Variants in CSNK1G2 observed in about 807,000 individuals in gnomAD.
CSNK1G2 encodes the protein casein kinase I isoform gamma-2.
Under a neutral mutation model 48.0 loss-of-function variants are expected in CSNK1G2, and 11 were observed. The ratio of observed to expected loss-of-function variants is 0.23; its 90% CI spans 0.14 to 0.38. The LOEUF (loss-of-function observed/expected upper bound fraction) is 0.38. Ranked by LOEUF, CSNK1G2 falls within the 10% of genes least tolerant of loss-of-function variation. CSNK1G2 has a pLI of 1.00. For missense variants in CSNK1G2, 446 were observed against 595.5 expected (o/e 0.75, Z 2.61); for synonymous variants, 337 against 254.1 (o/e 1.33, Z -3.10).
intron 1 of CSNK1G2, among the ~76,000 whole-genome samples, chr19:1,964,343 C>T (rs1444113016): frequency 1.3e-5 from 2 of 151,670 alleles, no homozygotes; most frequent in Non-Finnish European, 2.9e-5. Context: ...ATTAAGTGTT[C>T]CTTGAGACGT....
At chr19:1,963,621 C>A (rs2015272391) in intron 1 of CSNK1G2, among the ~76,000 whole-genome samples, 1 of 151,750 alleles carries the variant, frequency 6.6e-6, no homozygotes, top group South Asian at 2.1e-4. Context: ...GATTCTCCTG[C>A]CTCAGCCTCC....
At chr19:1,951,307 G>A (rs1335011742) in intron 1 of CSNK1G2, among the ~76,000 whole-genome samples, 1 of 145,014 alleles carries the variant, frequency 6.9e-6, no homozygotes, top group Non-Finnish European at 1.5e-5. Flanking sequence ...GGAGGCTGAG[G>A]CAGGAGAATG....
intron 2 of CSNK1G2, among the ~76,000 whole-genome samples, chr19:1,973,192 G>A (rs2015634455): frequency 3.3e-5 from 5 of 151,802 alleles, no homozygotes; most frequent in African/African-American, 1.2e-4. Flanking sequence ...CTCCCAAAGT[G>A]CTGGGATTAC....
chr19:1,960,529 C>T (rs1363796966), intron 1 of CSNK1G2, among the ~76,000 whole-genome samples: 2 of 152,202 alleles, frequency 1.3e-5, no homozygotes, highest in Non-Finnish European at 2.9e-5. Flanking sequence ...CGTGTGCCTG[C>T]GCCTGGGGTC....
In CSNK1G2 at chr19:1,979,189, G is replaced by T. The variant is rs1166586006; in HGVS notation, c.709G>T (p.Ala237Ser). 4 of 1,537,690 alleles carry T rather than the reference G, an allele frequency of 2.6e-6. No individual in the cohort carries two copies. The highest frequency in any genetic ancestry group is 2.7e-5 in the African/African-American group (2 of 73,078). ...GCAGAGCCGCCGCGACGACCTGGAG[G>T]CGCTGGGCCACATGTTCATGTACTT... ...KEQSRRDDLE[A>S]LGHMFMYFLR... Residue 237 changes from alanine to serine, a missense_variant, in exon 7 of 12, where the codon GCG becomes TCG. Transcript: ENST00000255641.
intron 1 of CSNK1G2, among the ~76,000 whole-genome samples, chr19:1,942,223 C>T (rs2014394168): frequency 6.6e-6 from 1 of 152,200 alleles, no homozygotes; most frequent in Non-Finnish European, 1.5e-5. Flanking sequence ...CTGAGCAGGG[C>T]CTGCGGTGGC....
chr19:1,966,010 G>T (rs1417016311), intron 1 of CSNK1G2, among the ~76,000 whole-genome samples: 1 of 152,132 alleles, frequency 6.6e-6, no homozygotes, highest in Non-Finnish European at 1.5e-5. Flanking sequence ...TGTTGCCCAG[G>T]CTGGTCTTGA....
intron 1 of CSNK1G2, among the ~76,000 whole-genome samples, chr19:1,946,447 A>G (rs1355175527): frequency 6.7e-6 from 1 of 149,724 alleles, no homozygotes; most frequent in Non-Finnish European, 1.5e-5. Flanking sequence ...GACCGCCACC[A>G]CGCCTGGCTA....
intron 1 of CSNK1G2, among the ~76,000 whole-genome samples, chr19:1,955,578 G>A (rs909510880): frequency 4.6e-5 from 7 of 152,190 alleles, no homozygotes; most frequent in African/African-American, 1.4e-4. Context: ...GCAGCGCCCA[G>A]GTCAGGGGCT....
intron 1 of CSNK1G2, among the ~76,000 whole-genome samples, chr19:1,944,963 C>G (rs996964250): frequency 7.9e-5 from 12 of 152,364 alleles, no homozygotes; most frequent in Admixed American, 6.5e-4. Context: ...TCACCACCCA[C>G]ATCAACTTGT....
chr19:1,953,694 G>A, intron 1 of CSNK1G2: 1 of 383,502 alleles, frequency 2.6e-6, no homozygotes, highest in South Asian at 1.9e-5. Context: ...CTGTGGGACG[G>A]GGTCCCTGCA....
intron 2 of CSNK1G2, among the ~76,000 whole-genome samples, chr19:1,974,456 T>C (rs533010130): frequency 6.6e-6 from 1 of 152,266 alleles, no homozygotes; most frequent in East Asian, 1.9e-4. Context: ...CAGTGCTGGA[T>C]TGGGGACCAG....
chr19:1,945,478 C>T (rs1441903568), intron 1 of CSNK1G2, among the ~76,000 whole-genome samples: 2 of 152,246 alleles, frequency 1.3e-5, no homozygotes, highest in Admixed American at 1.3e-4. Context: ...GCCCAGCGGC[C>T]TCCCTGCACC....
rs1324224943 is a variant in CSNK1G2, at chr19:1,980,406, G to A, written c.*203G>A. 7.7e-6 allele frequency: 5 copies of A among 649,186 alleles called. No individual in the cohort carries two copies. Among genetic ancestry groups the A allele is most frequent in the East Asian group, 2.7e-5 (1 of 36,920 alleles). The allele number at this position is 649,186 out of a possible 1,614,324, so 40.2% of individuals were successfully genotyped here. ...ACTTCCTTCATGTAAGACTTTGGCC[G>A]AAATTTCTACACCTGTGTCTAGTCC... On this transcript the variant is annotated 3_prime_UTR_variant, in exon 12 of 12. Transcript: ENST00000255641.
intron 1 of CSNK1G2, among the ~76,000 whole-genome samples, chr19:1,946,655 C>T (rs980030713): frequency 2.0e-5 from 3 of 150,638 alleles, no homozygotes; most frequent in Non-Finnish European, 4.4e-5. Flanking sequence ...CTCTGTTGCC[C>T]AGGCTAGAGT....
intron 1 of CSNK1G2, among the ~76,000 whole-genome samples, chr19:1,944,190 G>A (rs2014469366): frequency 6.6e-6 from 1 of 152,164 alleles, no homozygotes; most frequent in South Asian, 2.1e-4. Flanking sequence ...GGCGTGCCGG[G>A]TCCGCCTCCC....
intron 1 of CSNK1G2, among the ~76,000 whole-genome samples, chr19:1,951,736 A>G (rs2014770216): frequency 6.9e-6 from 1 of 144,306 alleles, no homozygotes; most frequent in Admixed American, 6.9e-5. Flanking sequence ...GCTGGAGTGC[A>G]GTGGTGTGAT....
intron 1 of CSNK1G2, chr19:1,953,236 T>G (rs1019644630): frequency 2.7e-6 from 1 of 375,370 alleles, no homozygotes; most frequent in African/African-American, 2.1e-5. Context: ...GTGGCACCAC[T>G]TGGGACCGGG....
intron 1 of CSNK1G2, among the ~76,000 whole-genome samples, chr19:1,948,519 C>T (rs2014648709): frequency 1.2e-5 from 1 of 85,640 alleles, no homozygotes; most frequent in African/African-American, 4.4e-5. Flanking sequence ...GAGACTCCGT[C>T]TCAAAAAAAA....
Sources: allele counts gnomAD v4.1 joint callset (sites outside exome capture counted in the v4.1 genomes callset), GRCh38; gene constraint gnomAD v4.1.1; transcripts MANE v1.5; gene names NCBI Gene and HGNC (gene_info 2026-07-23, HGNC 2026-07-21).